The following VPS37A variants were observed in gnomAD, a reference collection of about 807,000 sequenced individuals.
VPS37A encodes the protein VPS37A subunit of ESCRT-I.
In VPS37A, 30 loss-of-function variants were observed where a neutral mutation model predicts 49.8. That is an observed-to-expected ratio of 0.60 (90% CI 0.45 to 0.82). The LOEUF (loss-of-function observed/expected upper bound fraction) is 0.82. Among genes scored for constraint, VPS37A ranks in the 40% least tolerant of loss-of-function variants. The probability of loss-of-function intolerance (pLI) is 0.00; values close to 1 mark genes in which losing one functional copy is unlikely to be tolerated. For synonymous variants in VPS37A, 195 were observed against 160.6 expected (o/e 1.21, Z -1.62); for missense variants, 593 against 464.4 (o/e 1.28, Z -2.55).
chr8:17,303,378 A>T (rs1260114807), downstream of VPS37A, among the ~76,000 whole-genome samples: 1 of 152,184 alleles, frequency 6.6e-6, no homozygotes, highest in Non-Finnish European at 1.5e-5. Flanking sequence ...TTGAGAAACG[A>T]AATCTATACA....
chr8:17,299,645 G>A, downstream of VPS37A: 1 of 594,080 alleles, frequency 1.7e-6, no homozygotes, highest in East Asian at 3.0e-5. Context: ...CTTCAAAATG[G>A]TGAATAATTT....
At chr8:17,313,459 G>T in the VPS37A span, 1 of 1,133,136 alleles carries the variant, frequency 8.8e-7, no homozygotes, top group Non-Finnish European at 1.3e-6. Context: ...TTTTACATAT[G>T]ATCATGTTTT....
chr8:17,287,062 G>A (rs541342566), intron 11 of VPS37A, among the ~76,000 whole-genome samples: 3 of 152,088 alleles, frequency 2.0e-5, no homozygotes, highest in Non-Finnish European at 4.4e-5. Context: ...ACATTGCGTT[G>A]TCTTACATGG....
At position 17,247,360 on chromosome 8, in the gene VPS37A, C is replaced by A; in HGVS notation, c.116C>A (p.Ser39Ter). 6.5e-7 allele frequency: 1 copy of A among 1,532,972 alleles called. No homozygotes were observed. The highest frequency in any genetic ancestry group is 8.8e-7 in the Non-Finnish European group (1 of 1,137,096). The allele number at this position is 1,532,972 out of a possible 1,614,324, so 95.0% of individuals were successfully genotyped here. A position where few individuals can be genotyped will look rare whatever the true frequency, so the allele number is the denominator to read the frequency against. ...CGCCTGATCGAGTCCCTCCGGAACT[C>A]ACACTCCAGGTGACTGGTCGCTGCC... ...KQRLIESLRN[S>*]HSSIAEIQKD... Residue 39 changes from serine to a stop codon, truncating the protein, a stop_gained, in exon 1 of 12, where the codon TCA (serine) becomes TAA (stop). Transcript: ENST00000324849. LOFTEE classifies it high-confidence loss of function.
chr8:17,307,789 A>G, the VPS37A span, among the ~76,000 whole-genome samples: 1 of 152,088 alleles, frequency 6.6e-6, no homozygotes, highest in South Asian at 2.1e-4. Flanking sequence ...CGCAAGGACA[A>G]AAAAACCAAA....
At position 17,273,769 on chromosome 8, in the gene VPS37A, G is replaced by A. The variant is rs114028057; in HGVS notation, c.417-964G>A. Among the ~76,000 whole-genome samples the A allele has an allele frequency of 3.2e-3, 477 of 151,276 alleles. 4 individuals are homozygous for A. The highest frequency in any genetic ancestry group is 0.011 in the African/African-American group (456 of 41,090). On this transcript the variant is annotated intron_variant, in intron 4 of 11. Coordinates refer to ENST00000324849, the MANE Select transcript of VPS37A (RefSeq NM_152415.3). ...TTCCATATACATTTTAGTGTCATTCGTATACATTTAAAAAAAATGTTTTCT... is the reference window on the plus strand; with the variant it reads ...TTCCATATACATTTTAGTGTCATTCATATACATTTAAAAAAAATGTTTTCT...
the VPS37A span, chr8:17,309,173 A>G: frequency 2.6e-6 from 2 of 773,664 alleles, no homozygotes; most frequent in East Asian, 2.5e-5. Context: ...AATAAGAGAC[A>G]CAAACTCAAA....
chr8:17,314,452 C>G, the VPS37A span, among the ~76,000 whole-genome samples: 2 of 152,110 alleles, frequency 1.3e-5, no homozygotes, highest in African/African-American at 2.4e-5. Flanking sequence ...TAAATTATAT[C>G]CTTCCAACTG....
chr8:17,302,360 A>G (rs962486209), downstream of VPS37A: 14 of 1,426,494 alleles, frequency 9.8e-6, no homozygotes, highest in South Asian at 6.9e-5. Context: ...TAAGGTATCT[A>G]TGATACCACA....
chr8:17,319,485 A>G, the VPS37A span, among the ~76,000 whole-genome samples: 3 of 152,176 alleles, frequency 2.0e-5, no homozygotes, highest in Non-Finnish European at 4.4e-5. Flanking sequence ...GACATCTCAA[A>G]TGCAAGTCTT....
chr8:17,271,722 G>C (rs1814011937), intron 4 of VPS37A, among the ~76,000 whole-genome samples: 1 of 152,194 alleles, frequency 6.6e-6, no homozygotes, highest in African/African-American at 2.4e-5. Flanking sequence ...AGGCTGCTGA[G>C]AGACAATGTC....
intron 2 of VPS37A, 151 bp downstream of exon 2, chr8:17,266,132 T>G (rs1042661827): frequency 2.7e-5 from 19 of 712,850 alleles, no homozygotes; most frequent in Non-Finnish European, 4.3e-5. Context: ...ATAAAAATAT[T>G]CGAAAGCTAT....
At chr8:17,324,522 G>A in the VPS37A span, among the ~76,000 whole-genome samples, 2 of 152,176 alleles carry the variant, frequency 1.3e-5, no homozygotes, top group Non-Finnish European at 2.9e-5. Flanking sequence ...AGTGTTGGAC[G>A]GTCCAGATGG....
chr8:17,296,353 C>T lies in VPS37A; in HGVS notation c.*1367C>T, dbSNP rs1001044816. 2.6e-5 allele frequency: 4 copies of T among 152,264 alleles called. No homozygotes were observed. The highest frequency in any genetic ancestry group is 3.4e-3 in the Middle Eastern group (1 of 294). The allele number at this position is 152,264 out of a possible 1,614,324, so 9.4% of individuals were successfully genotyped here. A position where few individuals can be genotyped will look rare whatever the true frequency, so the allele number is the denominator to read the frequency against. On this transcript the variant is annotated 3_prime_UTR_variant, in exon 12 of 12. Coordinates refer to ENST00000324849, the MANE Select transcript of VPS37A (RefSeq NM_152415.3). ...TGCTAAGGACATGCTGTTAAAGCTT[C>T]AAAGTGACCAGATGAGGAAGGAATA...
the VPS37A span, among the ~76,000 whole-genome samples, chr8:17,324,424 T>C: frequency 6.6e-6 from 1 of 152,204 alleles, no homozygotes; most frequent in Non-Finnish European, 1.5e-5. Flanking sequence ...AGGCCATCCA[T>C]GGTTACATAG....
downstream of VPS37A, chr8:17,304,515 G>A: frequency 6.2e-7 from 1 of 1,613,028 alleles, no homozygotes; most frequent in Non-Finnish European, 8.5e-7. Flanking sequence ...GTTCTTTCTT[G>A]AATCCTGTTA....
At chr8:17,327,219 C>A in the VPS37A span, among the ~76,000 whole-genome samples, 2 of 152,110 alleles carry the variant, frequency 1.3e-5, no homozygotes, top group Admixed American at 1.3e-4. Flanking sequence ...ATTCGGCTTC[C>A]AATATTCTAC....
At chr8:17,325,184 C>G in the VPS37A span, among the ~76,000 whole-genome samples, 3 of 151,998 alleles carry the variant, frequency 2.0e-5, no homozygotes, top group Non-Finnish European at 4.4e-5. Context: ...ACCACTGGAG[C>G]TGGGTGTGTC....
At chr8:17,324,745 G>C in the VPS37A span, among the ~76,000 whole-genome samples, 1 of 152,166 alleles carries the variant, frequency 6.6e-6, no homozygotes. Flanking sequence ...ACTTTAATGG[G>C]AAAATGGGTT....
Sources: allele counts gnomAD v4.1 joint callset (sites outside exome capture counted in the v4.1 genomes callset), GRCh38; gene constraint gnomAD v4.1.1; transcripts MANE v1.5; gene names NCBI Gene and HGNC (gene_info 2026-07-23, HGNC 2026-07-21).